The following HPSE2 variants were observed in gnomAD, a reference collection of about 807,000 sequenced individuals.
The protein encoded by HPSE2 is inactive heparanase-2.
Under a neutral mutation model 60.5 loss-of-function variants are expected in HPSE2, and 38 were observed. That is an observed-to-expected ratio of 0.63 (90% CI 0.48 to 0.82). The LOEUF is 0.82. Among genes scored for constraint, HPSE2 ranks in the 40% least tolerant of loss-of-function variants. The pLI is 0.00. For synonymous variants in HPSE2, 295 were observed against 293.2 expected (o/e 1.01, Z -0.06); for missense variants, 713 against 740.4 (o/e 0.96, Z 0.43).
At chr10:99,146,823 T>C (rs1297006035) in intron 2 of HPSE2, among the ~76,000 whole-genome samples, 3 of 152,098 alleles carry the variant, frequency 2.0e-5, no homozygotes, top group African/African-American at 4.8e-5. Flanking sequence ...ATCGTACCAC[T>C]GCACTCCAGT....
At chr10:98,667,679 T>C (rs1437499129) in intron 6 of HPSE2, among the ~76,000 whole-genome samples, 4 of 152,100 alleles carry the variant, frequency 2.6e-5, no homozygotes, top group African/African-American at 7.2e-5. Flanking sequence ...ACAAAAACCA[T>C]ATGATTATCT....
At chr10:98,762,589 A>C (rs1950030313) in intron 3 of HPSE2, among the ~76,000 whole-genome samples, 1 of 152,024 alleles carries the variant, frequency 6.6e-6, no homozygotes, top group Admixed American at 6.6e-5. Context: ...TCCCAAACTA[A>C]TTTCTGAGTG....
chr10:98,998,079 T>C (rs972866979), intron 3 of HPSE2, among the ~76,000 whole-genome samples: 15 of 152,146 alleles, frequency 9.9e-5, no homozygotes, highest in Non-Finnish European at 2.1e-4. Context: ...CTTCCTGAAG[T>C]CTCCATTCCA....
chr10:99,136,713 A>T (rs1213330734), intron 3 of HPSE2, among the ~76,000 whole-genome samples: 1 of 152,190 alleles, frequency 6.6e-6, no homozygotes, highest in East Asian at 1.9e-4. Flanking sequence ...AAATCTCTCA[A>T]TAAACTGGGT....
At position 98,618,973 on chromosome 10, in the gene HPSE2, T is replaced by G. The variant is rs144961255; in HGVS notation, c.1205+1629A>C. ...GAACCACGCTTGCTGACATTGTCTG[T>G]GCTACACAACGTTAGATGCTGAGGA... On this transcript the variant is annotated intron_variant, in intron 8 of 11. Coordinates refer to ENST00000370552, the MANE Select transcript of HPSE2 (RefSeq NM_021828.5). Among the ~76,000 whole-genome samples, 18 of 152,272 alleles carry G rather than the reference T, an allele frequency of 1.2e-4. No homozygotes were observed. The East Asian group carries it at 3.5e-3, about 29-fold the overall frequency.
intron 2 of HPSE2, among the ~76,000 whole-genome samples, chr10:99,215,766 G>A (rs1403864591): frequency 6.6e-6 from 1 of 152,196 alleles, no homozygotes; most frequent in East Asian, 1.9e-4. Flanking sequence ...ATGAGGAAAC[G>A]GCCACGGAGT....
In HPSE2 at chr10:98,989,646, T is replaced by TA. The variant is rs565938013; in HGVS notation, c.610+154591dup. Among the ~76,000 whole-genome samples, 953 of 138,564 alleles carry TA rather than the reference T, an allele frequency of 6.9e-3. 4 individuals carry two copies. Among genetic ancestry groups the TA allele is most frequent in the African/African-American group, 0.022 (816 of 36,950 alleles). 90.9% of individuals were successfully genotyped at this position (138,564 alleles called of 152,430 possible). On this transcript the variant is annotated intron_variant, in intron 3 of 11. Coordinates refer to ENST00000370552, the MANE Select transcript of HPSE2 (RefSeq NM_021828.5). Reference sequence around the variant, plus strand: ...ATGTACCCTAATACTTAAAGTATAATAAAAAAAAAAAAGAAAAAAAACTCA... The same window carrying TA: ...ATGTACCCTAATACTTAAAGTATAATAAAAAAAAAAAAAGAAAAAAAACTCA...
chr10:99,068,675 C>A (rs575655915), intron 3 of HPSE2, among the ~76,000 whole-genome samples: 2 of 152,120 alleles, frequency 1.3e-5, no homozygotes, highest in Admixed American at 6.5e-5. Context: ...AACAGAAAAA[C>A]AAAACATTAA....
intron 9 of HPSE2, among the ~76,000 whole-genome samples, chr10:98,609,401 C>T (rs1225292335): frequency 6.6e-6 from 1 of 152,176 alleles, no homozygotes; most frequent in East Asian, 1.9e-4. Context: ...GTTATTTAAA[C>T]ACAATCCTTT....
intron 9 of HPSE2, among the ~76,000 whole-genome samples, chr10:98,524,280 T>C (rs546277572): frequency 6.6e-6 from 1 of 152,326 alleles, no homozygotes; most frequent in South Asian, 2.1e-4. Context: ...CTTGCTGTCA[T>C]ATTAACATAT....
chr10:98,552,401 A>G (rs1466363581), intron 9 of HPSE2, among the ~76,000 whole-genome samples: 4 of 152,154 alleles, frequency 2.6e-5, no homozygotes, highest in Non-Finnish European at 5.9e-5. Flanking sequence ...TGGCACATAT[A>G]GGTACTACAT....
intron 3 of HPSE2, among the ~76,000 whole-genome samples, chr10:99,123,557 G>A (rs1037615146): frequency 5.9e-5 from 9 of 152,292 alleles, no homozygotes; most frequent in South Asian, 2.1e-4. Context: ...AAGTGGGGGC[G>A]TGTTTCAGCA....
At chr10:98,614,323 C>T (rs544402631) in intron 9 of HPSE2, among the ~76,000 whole-genome samples, 19 of 147,092 alleles carry the variant, frequency 1.3e-4, no homozygotes, top group Admixed American at 7.6e-4. Context: ...GACGGAGTCT[C>T]GCTCAGTCGC....
chr10:98,576,513 C>T (rs1399373042), intron 9 of HPSE2, among the ~76,000 whole-genome samples: 1 of 152,054 alleles, frequency 6.6e-6, no homozygotes, highest in African/African-American at 2.4e-5. Flanking sequence ...GCCCATGTTA[C>T]AGCCAGCAAA....
intron 3 of HPSE2, among the ~76,000 whole-genome samples, chr10:98,918,863 TA>T (rs948608299): frequency 7.9e-5 from 12 of 151,260 alleles, no homozygotes; most frequent in South Asian, 2.1e-4. Flanking sequence ...GGACAATTAA[TA>T]AAAAAAAGAC....
In HPSE2 at chr10:99,119,096, A is replaced by AGAGG. The variant is rs1191415379; in HGVS notation, c.610+25138_610+25141dup. Among the ~76,000 whole-genome samples the AGAGG allele has an allele frequency of 3.3e-3, 387 of 117,908 alleles. 2 individuals are homozygous for AGAGG. The highest frequency in any genetic ancestry group is 0.011 in the African/African-American group (340 of 30,796). The allele number at this position is 117,908 out of a possible 152,430, so 77.4% of individuals were successfully genotyped here. On this transcript the variant is annotated intron_variant, in intron 3 of 11. Coordinates refer to ENST00000370552, the MANE Select transcript of HPSE2 (RefSeq NM_021828.5). ...GAAAGAAAGAGAAAGAAAGAGAGAG[A>AGAGG]GAGGGAGGGAGGGAGGGAGGGAGGG...
At chr10:99,125,979 A>G (rs1480520008) in intron 3 of HPSE2, among the ~76,000 whole-genome samples, 1 of 152,208 alleles carries the variant, frequency 6.6e-6, no homozygotes, top group East Asian at 1.9e-4. Context: ...AGCAGAATCC[A>G]GGAGGCGAAT....
At chr10:98,805,179 A>C (rs1241935839) in intron 3 of HPSE2, among the ~76,000 whole-genome samples, 1 of 152,128 alleles carries the variant, frequency 6.6e-6, no homozygotes, top group Non-Finnish European at 1.5e-5. Context: ...TGGTATGATT[A>C]ACCCATTTAT....
chr10:99,072,230 T>C (rs900535625), intron 3 of HPSE2, among the ~76,000 whole-genome samples: 7 of 152,116 alleles, frequency 4.6e-5, no homozygotes, highest in African/African-American at 1.7e-4. Flanking sequence ...ATTCAGGACA[T>C]ACACGCCAGC....
Sources: gnomAD v4.1 joint callset for allele counts (sites outside exome capture counted in the v4.1 genomes callset) on GRCh38, gnomAD v4.1.1 for gene constraint, MANE v1.5 for transcripts, NCBI Gene and HGNC (gene_info 2026-07-23, HGNC 2026-07-21) for gene names.